The following CSTPP1 variants were observed in gnomAD, a reference collection of about 807,000 sequenced individuals.
CSTPP1 encodes centriolar satellite-associated tubulin polyglutamylase complex regulator 1, also known as UPF0705 protein C11orf49.
At chr11:47,075,508 A>G in the CSTPP1 span, among the ~76,000 whole-genome samples, 1,362 of 152,348 alleles carry the variant, frequency 8.9e-3, 20 homozygotes, top group African/African-American at 0.03. Flanking sequence ...CAGCAGAAGC[A>G]TAAGTAAAAA....
At chr11:47,025,762 C>T in the CSTPP1 span, among the ~76,000 whole-genome samples, 1 of 151,966 alleles carries the variant, frequency 6.6e-6, no homozygotes, top group Admixed American at 6.6e-5. Context: ...CAAAAAAGAA[C>T]CTAAAGGCTA....
the CSTPP1 span, chr11:47,160,524 T>G: frequency 6.5e-6 from 1 of 153,128 alleles, no homozygotes; most frequent in Non-Finnish European, 1.5e-5. Context: ...GAGGGTTCTA[T>G]GAGATGTACT....
the CSTPP1 span, among the ~76,000 whole-genome samples, chr11:47,146,529 C>T: frequency 6.6e-6 from 1 of 152,158 alleles, no homozygotes; most frequent in Non-Finnish European, 1.5e-5. Flanking sequence ...AATCAGGAAA[C>T]TCCCAACTAA....
At chr11:47,071,700 A>G in the CSTPP1 span, among the ~76,000 whole-genome samples, 4 of 152,362 alleles carry the variant, frequency 2.6e-5, no homozygotes, top group Non-Finnish European at 5.9e-5. Context: ...GGAGCACTTC[A>G]AATTTCAATT....
the CSTPP1 span, among the ~76,000 whole-genome samples, chr11:46,993,417 AT>A: frequency 5.8e-4 from 87 of 150,414 alleles, no homozygotes; most frequent in African/African-American, 2.1e-3. Context: ...TAGGTCTGAC[AT>A]TTAAGTCTTT....
the CSTPP1 span, among the ~76,000 whole-genome samples, chr11:47,054,407 G>A: frequency 1.3e-5 from 2 of 151,462 alleles, no homozygotes; most frequent in African/African-American, 2.4e-5. Context: ...GAGCTTCCAG[G>A]CTCAAGTGAT....
the CSTPP1 span, among the ~76,000 whole-genome samples, chr11:47,068,558 A>G: frequency 4.6e-5 from 7 of 151,764 alleles, no homozygotes; most frequent in African/African-American, 1.7e-4. Context: ...AACTTCTTGT[A>G]TAATTTTAAC....
the CSTPP1 span, among the ~76,000 whole-genome samples, chr11:47,071,973 C>T: frequency 6.6e-6 from 1 of 152,210 alleles, no homozygotes; most frequent in East Asian, 1.9e-4. Context: ...AAGAAATCCC[C>T]CACTCTGTGG....
chr11:46,961,302 A>C, the CSTPP1 span, among the ~76,000 whole-genome samples: 2 of 151,990 alleles, frequency 1.3e-5, no homozygotes, highest in Non-Finnish European at 2.9e-5. Context: ...TTTGTTTTGC[A>C]TTTCCCTAAT....
the CSTPP1 span, among the ~76,000 whole-genome samples, chr11:47,097,419 T>C: frequency 1.9e-4 from 6 of 31,114 alleles, no homozygotes; most frequent in Admixed American, 1.8e-3. Flanking sequence ...GGAGCCCCTC[T>C]GCCCGGCCAG....
the CSTPP1 span, among the ~76,000 whole-genome samples, chr11:47,027,155 A>C: frequency 2.1e-4 from 32 of 152,174 alleles, no homozygotes; most frequent in Non-Finnish European, 4.1e-4. Context: ...CTTATAAAAA[A>C]AGATATTCCT....
chr11:46,962,279 T>C, the CSTPP1 span, among the ~76,000 whole-genome samples: 1 of 152,236 alleles, frequency 6.6e-6, no homozygotes, highest in African/African-American at 2.4e-5. Context: ...CTCTCAATTA[T>C]ATTTCATTGG....
At chr11:47,012,982 CGAGACAG>C in the CSTPP1 span, among the ~76,000 whole-genome samples, 1 of 135,058 alleles carries the variant, frequency 7.4e-6, no homozygotes, top group Non-Finnish European at 1.6e-5. Context: ...TGTATTGGTG[CGAGACAG>C]AATGGTTATA....
the CSTPP1 span, among the ~76,000 whole-genome samples, chr11:47,014,595 C>T: frequency 1.3e-5 from 2 of 151,626 alleles, no homozygotes; most frequent in South Asian, 2.1e-4. Flanking sequence ...CCCAGCTATT[C>T]GGGAGGCTGA....
chr11:46,956,504 GGCA>G, the CSTPP1 span, among the ~76,000 whole-genome samples: 2 of 152,078 alleles, frequency 1.3e-5, no homozygotes, highest in African/African-American at 2.4e-5. Flanking sequence ...TAACTTGGGG[GGCA>G]GCATTTAGGG....
chr11:47,004,046 C>G, the CSTPP1 span, among the ~76,000 whole-genome samples: 36 of 152,228 alleles, frequency 2.4e-4, no homozygotes, highest in African/African-American at 8.7e-4. Context: ...TTTTGTATCT[C>G]TGTGGATCTG....
the CSTPP1 span, among the ~76,000 whole-genome samples, chr11:46,959,698 T>A: frequency 1.3e-5 from 2 of 152,096 alleles, no homozygotes; most frequent in Admixed American, 6.6e-5. Context: ...CCACTTAAGT[T>A]TTAGCTTTTT....
the CSTPP1 span, among the ~76,000 whole-genome samples, chr11:46,952,616 T>C: frequency 2.6e-5 from 4 of 152,242 alleles, no homozygotes; most frequent in South Asian, 2.1e-4. Flanking sequence ...CCTCTACCTC[T>C]TGAAGTACAA....
chr11:47,141,997 C>T, the CSTPP1 span, among the ~76,000 whole-genome samples: 1 of 147,176 alleles, frequency 6.8e-6, no homozygotes, highest in Non-Finnish European at 1.5e-5. Flanking sequence ...GTAATCCCAG[C>T]AGTTTGGGAG....
Sources: allele counts gnomAD v4.1 joint callset (sites outside exome capture counted in the v4.1 genomes callset), GRCh38; gene constraint gnomAD v4.1.1; transcripts MANE v1.5; gene names NCBI Gene and HGNC (gene_info 2026-07-23, HGNC 2026-07-21).